Variants in SLIT3 observed in about 807,000 individuals in gnomAD.
SLIT3 encodes slit guidance ligand 3.
A neutral mutation model predicts 184.0 loss-of-function variants in SLIT3; 68 were observed. That is an observed-to-expected ratio of 0.37 (90% confidence interval 0.30 to 0.45). The LOEUF is 0.45. Among genes scored for constraint, SLIT3 ranks in the 20% least tolerant of loss-of-function variants. The pLI is 1.00. For synonymous variants in SLIT3, 831 were observed against 828.6 expected, an observed-to-expected ratio of 1.00 and a Z score of -0.05; for missense variants, 1,707 against 2,026.0, an observed-to-expected ratio of 0.84 and a Z score of 3.02.
At chr5:168,836,555 G>A (rs1033166795) in intron 6 of SLIT3, among the ~76,000 whole-genome samples, 6 of 152,072 alleles carry the variant, frequency 3.9e-5, no homozygotes, top group African/African-American at 1.4e-4. Context: ...TCCAAACATG[G>A]AGAACTATTT....
rs769453252 is a variant in SLIT3 at position 168,685,675 on chromosome 5, G to T, written c.3555+12C>A. On this transcript the variant is annotated intron_variant, in intron 31 of 35. Coordinates refer to ENST00000519560, the MANE Select transcript of SLIT3 (RefSeq NM_003062.4). The stretch of plus-strand genomic sequence containing the variant: ...TGAGGTCCTTCCAAGGGCAGGGCAG[G>T]GCGGGACACACCTGCAGGGAGATGT... The T allele has an allele frequency of 1.3e-6, 2 of 1,541,706 alleles. No individual in the cohort carries two copies. Among genetic ancestry groups the T allele is most frequent in the East Asian group, 4.6e-5 (2 of 43,884 alleles).
intron 5 of SLIT3, among the ~76,000 whole-genome samples, chr5:168,856,806 T>TGCGCGCGCGCGC (rs61149576): frequency 1.7e-4 from 23 of 137,738 alleles, no homozygotes; most frequent in African/African-American, 6.4e-4. Context: ...TGTGTGTGTG[T>TGCGCGCGCGCGC]GCGCGCGCGC....
At chr5:168,671,168 G>A (rs1761226949) in intron 34 of SLIT3, 30 bp downstream of exon 34, 3 of 1,590,728 alleles carry the variant, frequency 1.9e-6, no homozygotes, top group Admixed American at 1.7e-5. Flanking sequence ...GGGAGCTCGA[G>A]CACACAGCCA....
At chr5:168,814,990 T>C (rs1375015290) in intron 8 of SLIT3, among the ~76,000 whole-genome samples, 1 of 152,184 alleles carries the variant, frequency 6.6e-6, no homozygotes, top group East Asian at 1.9e-4. Context: ...CCCTCATGCA[T>C]AGGGGTCTCA....
At chr5:169,185,319 T>G (rs894206025) in intron 4 of SLIT3, among the ~76,000 whole-genome samples, 1 of 152,126 alleles carries the variant, frequency 6.6e-6, no homozygotes, top group African/African-American at 2.4e-5. Flanking sequence ...GGTGGCTGTG[T>G]CCCTGAAAAA....
chr5:168,831,125 T>C (rs911811161), intron 6 of SLIT3, among the ~76,000 whole-genome samples: 1 of 152,186 alleles, frequency 6.6e-6, no homozygotes, highest in Non-Finnish European at 1.5e-5. Flanking sequence ...CACGTATCAG[T>C]GTTGCCAAAA....
intron 1 of SLIT3, among the ~76,000 whole-genome samples, chr5:169,262,541 C>G (rs899988383): frequency 1.3e-5 from 2 of 152,140 alleles, no homozygotes; most frequent in Non-Finnish European, 2.9e-5. Context: ...TGTGAGGCAT[C>G]TATGGGGCTG....
At chr5:168,693,874 G>A (rs1402143233) in intron 28 of SLIT3, among the ~76,000 whole-genome samples, 1 of 152,132 alleles carries the variant, frequency 6.6e-6, no homozygotes, top group Non-Finnish European at 1.5e-5. Context: ...ACCACAGAAG[G>A]CACTATGTTC....
chr5:169,148,342 TA>T (rs1307150690), intron 4 of SLIT3, among the ~76,000 whole-genome samples: 1 of 152,142 alleles, frequency 6.6e-6, no homozygotes, highest in Non-Finnish European at 1.5e-5. Flanking sequence ...GAGCTCTTTT[TA>T]AAAGGCCGAA....
At chr5:168,863,067 T>G (rs1185425377) in intron 5 of SLIT3, among the ~76,000 whole-genome samples, 2 of 152,208 alleles carry the variant, frequency 1.3e-5, no homozygotes, top group Non-Finnish European at 2.9e-5. Context: ...ATACAACACC[T>G]ATTCTATGAG....
chr5:168,721,774 C>A (rs946716615), intron 23 of SLIT3, among the ~76,000 whole-genome samples: 6 of 152,304 alleles, frequency 3.9e-5, no homozygotes, highest in African/African-American at 1.2e-4. Flanking sequence ...TAATAGCTGT[C>A]TGTGAGCTGG....
At chr5:169,213,295 T>C (rs1404318633) in intron 3 of SLIT3, among the ~76,000 whole-genome samples, 2 of 152,116 alleles carry the variant, frequency 1.3e-5, no homozygotes, top group East Asian at 3.8e-4. Flanking sequence ...CAGAAACCAC[T>C]GCTCAAGAAA....
intron 3 of SLIT3, among the ~76,000 whole-genome samples, chr5:169,219,148 G>A (rs974011596): frequency 2.6e-5 from 4 of 152,116 alleles, no homozygotes; most frequent in Non-Finnish European, 5.9e-5. Flanking sequence ...CACACATGAA[G>A]CAGCTCCAGC....
chr5:168,740,376 T>G (rs7728435), intron 20 of SLIT3, among the ~76,000 whole-genome samples: 1 of 152,030 alleles, frequency 6.6e-6, no homozygotes, highest in Non-Finnish European at 1.5e-5. Flanking sequence ...GGGTCTTGCA[T>G]GCTTGCAACA....
chr5:168,796,335 A>C (rs1756563806), intron 9 of SLIT3, among the ~76,000 whole-genome samples: 2 of 152,198 alleles, frequency 1.3e-5, no homozygotes, highest in Admixed American at 1.3e-4. Context: ...GTGGGGAATG[A>C]GTGAGCATTT....
At chr5:169,141,366 G>A (rs1328970941) in intron 4 of SLIT3, among the ~76,000 whole-genome samples, 1 of 151,804 alleles carries the variant, frequency 6.6e-6, no homozygotes, top group African/African-American at 2.4e-5. Flanking sequence ...TCTTTGAAAA[G>A]GTTTTGTCCA....
intron 7 of SLIT3, among the ~76,000 whole-genome samples, chr5:168,820,959 C>A (rs896952125): frequency 2.6e-5 from 4 of 152,166 alleles, no homozygotes; most frequent in African/African-American, 4.8e-5. Flanking sequence ...GCCGTCCCCC[C>A]CAACCCCATA....
intron 29 of SLIT3, among the ~76,000 whole-genome samples, chr5:168,691,255 A>G (rs1761897520): frequency 6.6e-6 from 1 of 152,152 alleles, no homozygotes; most frequent in Non-Finnish European, 1.5e-5. Flanking sequence ...CAACAACTAG[A>G]ACTCCTGCTT....
rs115010555 is a variant in SLIT3 at position 168,736,213 on chromosome 5, G to C, written c.2271-11729C>G. 5.3e-3 allele frequency among the ~76,000 whole-genome samples: 808 copies of C among 152,312 alleles called. 5 individuals carry two copies. Among genetic ancestry groups the C allele is most frequent in the African/African-American group, 0.019 (773 of 41,580 alleles). Reference sequence around the variant, plus strand: ...CAATGAACTCAATGAATGGAAGGGAGCCTTCTCAGCTCTCGGCCTGTGCTC... The same window carrying C: ...CAATGAACTCAATGAATGGAAGGGACCCTTCTCAGCTCTCGGCCTGTGCTC... On this transcript the variant is annotated intron_variant, in intron 20 of 35. Coordinates refer to ENST00000519560, the MANE Select transcript of SLIT3 (RefSeq NM_003062.4).
Sources: allele counts gnomAD v4.1 joint callset (sites outside exome capture counted in the v4.1 genomes callset), GRCh38; gene constraint gnomAD v4.1.1; transcripts MANE v1.5; gene names NCBI Gene and HGNC (gene_info 2026-07-23, HGNC 2026-07-21).